PPIL4: variants seen among roughly 807,000 people sequenced by gnomAD.
PPIL4 encodes the protein peptidylprolyl isomerase like 4.
PPIL4 carries 50 observed loss-of-function variants against 69.1 expected under a neutral mutation model. That is an observed-to-expected ratio of 0.72 (90% CI 0.58 to 0.92). PPIL4 has a LOEUF of 0.92. PPIL4 is among the 40% of genes least tolerant of loss of function. The pLI is 0.00. For missense variants in PPIL4, 480 were observed against 587.9 expected (o/e 0.82, Z 1.90); for synonymous variants, 193 against 191.6 (o/e 1.01, Z -0.06).
At chr6:149,535,419 A>C (rs1777261496) in intron 5 of PPIL4, among the ~76,000 whole-genome samples, 177 bp downstream of exon 5, 1 of 152,172 alleles carries the variant, frequency 6.6e-6, no homozygotes, top group South Asian at 2.1e-4. Flanking sequence ...AAGTATAAAA[A>C]TACAAAAAGT....
chr6:149,504,847 G>A lies in PPIL4; in HGVS notation c.*606C>T, dbSNP rs1374549700. The A allele has an allele frequency of 1.3e-5, 2 of 152,130 alleles. No homozygotes were observed. The highest frequency in any genetic ancestry group is 4.8e-5 in the African/African-American group (2 of 41,430). 9.4% of individuals were successfully genotyped at this position (152,130 alleles called of 1,614,324 possible). On this transcript the variant is annotated 3_prime_UTR_variant, in exon 13 of 13. Transcript: ENST00000253329. ...AAAAACAAATAAACAAAACTCAAAT[G>A]TCCATCAAGAATGAATAAGTTGTAG... is the stretch of plus-strand genomic sequence containing the variant.
chr6:149,527,357 TAAAC>T (rs1777123810), intron 7 of PPIL4, among the ~76,000 whole-genome samples: 3 of 152,038 alleles, frequency 2.0e-5, no homozygotes, highest in South Asian at 4.1e-4. Context: ...ATCTCATAAA[TAAAC>T]AAATAAAATA....
chr6:149,541,628 A>C, intron 1 of PPIL4, 42 bp from the exon 2 acceptor site: 2 of 1,092,366 alleles, frequency 1.8e-6, no homozygotes, highest in Non-Finnish European at 2.8e-6. Flanking sequence ...GTAATCCACA[A>C]ACACATTTTT....
In PPIL4 at chr6:149,508,444, G is replaced by A. The variant is rs73779393; in HGVS notation, c.1228-2740C>T. 2.8e-3 allele frequency among the ~76,000 whole-genome samples: 430 copies of A among 152,022 alleles called. 3 individuals are homozygous for A. The highest frequency in any genetic ancestry group is 1.0e-2 in the African/African-American group (413 of 41,490). ...GTGGCAAAAAAAGAAAAGAAAAAAC[G>A]AAGAACACAAAATGGCCAATTTAAA... On this transcript the variant is annotated intron_variant, in intron 12 of 12. Transcript: ENST00000253329.
intron 10 of PPIL4, 42 bp downstream of exon 10, chr6:149,521,018 A>C: frequency 8.4e-7 from 1 of 1,187,434 alleles, no homozygotes. Flanking sequence ...ATCTCAAAAA[A>C]AAAAAAAAAG....
intron 11 of PPIL4, among the ~76,000 whole-genome samples, chr6:149,513,477 G>T (rs572950710): frequency 8.0e-6 from 1 of 125,018 alleles, no homozygotes; most frequent in African/African-American, 3.1e-5. Flanking sequence ...ACTTTTAGTA[G>T]CAAAGTAGGA....
intron 3 of PPIL4, 139 bp downstream of exon 3, chr6:149,541,228 T>C (rs1456827307): frequency 1.9e-6 from 1 of 524,558 alleles, no homozygotes; most frequent in East Asian, 3.2e-5. Flanking sequence ...ATTTAAACCA[T>C]ATTTTAAAAT....
intron 3 of PPIL4, 112 bp downstream of exon 3, chr6:149,541,255 G>C: frequency 1.9e-6 from 1 of 513,124 alleles, no homozygotes; most frequent in Non-Finnish European, 3.1e-6. Context: ...TGAAGCATGA[G>C]CAATTATATT....
intron 11 of PPIL4, among the ~76,000 whole-genome samples, chr6:149,513,864 G>A (rs1441601305): frequency 6.6e-6 from 1 of 152,156 alleles, no homozygotes; most frequent in African/African-American, 2.4e-5. Flanking sequence ...AAAGAGTTAC[G>A]ATTTCTGCTG....
chr6:149,532,678 G>A (rs1266911281), intron 7 of PPIL4, among the ~76,000 whole-genome samples: 1 of 152,182 alleles, frequency 6.6e-6, no homozygotes, highest in African/African-American at 2.4e-5. Flanking sequence ...GCAGGGCATT[G>A]TGGTGTGTGA....
intron 11 of PPIL4, among the ~76,000 whole-genome samples, chr6:149,512,578 A>G (rs1295083911): frequency 6.6e-6 from 1 of 152,224 alleles, no homozygotes; most frequent in Admixed American, 6.5e-5. Flanking sequence ...ATAATTTAAA[A>G]AATTTAAATT....
At position 149,541,060 on chromosome 6, in the gene PPIL4, C is replaced by A; in HGVS notation, c.204-1G>T. ...GCTTGCTTGATCACCATACAGTTGG[C>A]TGAAAAAACATATAAGGTTATAAAT... On this transcript the variant is annotated splice_acceptor_variant, in intron 3 of 12. Coordinates refer to ENST00000253329, the MANE Select transcript of PPIL4 (RefSeq NM_139126.4). LOFTEE classifies it high-confidence loss of function. 1 of 1,562,434 alleles carries A rather than the reference C, an allele frequency of 6.4e-7. No individual in the cohort carries two copies. The highest frequency in any genetic ancestry group is 8.8e-7 in the Non-Finnish European group (1 of 1,135,266).
intron 9 of PPIL4, among the ~76,000 whole-genome samples, chr6:149,522,364 A>G (rs1283602039): frequency 2.6e-5 from 4 of 152,252 alleles, no homozygotes; most frequent in Non-Finnish European, 4.4e-5. Context: ...GACAATCTTC[A>G]AAAACAACAA....
intron 11 of PPIL4, among the ~76,000 whole-genome samples, chr6:149,514,812 T>C (rs1158702560): frequency 6.6e-6 from 1 of 151,618 alleles, no homozygotes; most frequent in Admixed American, 6.6e-5. Flanking sequence ...TGTGACTGTA[T>C]TGGGTTAAGA....
intron 12 of PPIL4, among the ~76,000 whole-genome samples, chr6:149,506,340 C>T (rs1269886356): frequency 3.3e-5 from 5 of 152,008 alleles, no homozygotes; most frequent in South Asian, 2.1e-4. Flanking sequence ...GGTGTGGGGA[C>T]GCATGCCTGT....
At chr6:149,516,519 A>G (rs1776946895) in intron 11 of PPIL4, among the ~76,000 whole-genome samples, 1 of 152,218 alleles carries the variant, frequency 6.6e-6, no homozygotes, top group Admixed American at 6.5e-5. Flanking sequence ...CTAGGAAACA[A>G]AGACACCATT....
chr6:149,538,313 T>C (rs544662902), intron 4 of PPIL4, among the ~76,000 whole-genome samples: 1 of 152,108 alleles, frequency 6.6e-6, no homozygotes, highest in Non-Finnish European at 1.5e-5. Flanking sequence ...ACAGTCATTC[T>C]GCAGCCATGG....
At chr6:149,518,780 G>C (rs758344231) in intron 10 of PPIL4, among the ~76,000 whole-genome samples, 2 of 152,208 alleles carry the variant, frequency 1.3e-5, no homozygotes, top group Non-Finnish European at 2.9e-5. Flanking sequence ...CCAGATTAAT[G>C]TAAGAGGTTC....
At chr6:149,509,748 C>G (rs144179286) in intron 12 of PPIL4, among the ~76,000 whole-genome samples, 1 of 152,204 alleles carries the variant, frequency 6.6e-6, no homozygotes, top group East Asian at 1.9e-4. Context: ...GAGTATGTTT[C>G]AAGTTAAGAG....
Sources: allele counts gnomAD v4.1 joint callset (sites outside exome capture counted in the v4.1 genomes callset), GRCh38; gene constraint gnomAD v4.1.1; transcripts MANE v1.5; gene names NCBI Gene and HGNC (gene_info 2026-07-23, HGNC 2026-07-21).